The following GALC variants were observed in gnomAD, a reference collection of about 807,000 sequenced individuals.
GALC encodes the protein galactocerebrosidase.
In GALC, 77 loss-of-function variants were observed where a neutral mutation model predicts 91.8. That is an observed-to-expected ratio of 0.84 (90% CI 0.70 to 1.01). The LOEUF is 1.01. GALC is among the 50% of genes least tolerant of loss of function. The pLI is 0.00. For synonymous variants in GALC, 357 were observed against 306.7 expected, an observed-to-expected ratio of 1.16 and a Z score of -1.71; for missense variants, 882 against 855.9, an observed-to-expected ratio of 1.03 and a Z score of -0.38.
chr14:87,943,433 C>G (rs147733925), intron 14 of GALC, among the ~76,000 whole-genome samples: 1 of 151,966 alleles, frequency 6.6e-6, no homozygotes, highest in Non-Finnish European at 1.5e-5. Context: ...GTAGTGTGCA[C>G]TCATTGAGAG....
In GALC at chr14:87,945,564, T is replaced by G. The variant is rs1402558216; in HGVS notation, c.1659A>C (p.Gly553=). The stretch of plus-strand genomic sequence containing the variant: ...AACATCAATCTTACCAGTTGTAGTC[T>G]CCTATAATACTGATTGTGTTGGATG... ...ADASNTISII[G]DYNWTNLTIK... is the part of the protein sequence containing the mutation. Residue 553 remains glycine, a synonymous_variant, in exon 14 of 17, where the codon GGA becomes GGC. Transcript: ENST00000261304. 4 of 1,599,556 alleles carry G rather than the reference T, an allele frequency of 2.5e-6. No homozygotes were observed. The highest frequency in any genetic ancestry group is 1.3e-5 in the African/African-American group (1 of 74,694).
intron 10 of GALC, among the ~76,000 whole-genome samples, chr14:87,962,111 G>A (rs1885829791): frequency 6.6e-6 from 1 of 152,062 alleles, no homozygotes; most frequent in Admixed American, 6.6e-5. Context: ...GTGTATGCAG[G>A]CAGCCAACTT....
intron 10 of GALC, among the ~76,000 whole-genome samples, chr14:87,956,174 A>G (rs1175003477): frequency 1.3e-5 from 2 of 151,658 alleles, no homozygotes; most frequent in African/African-American, 4.8e-5. Flanking sequence ...TCAAGGAACC[A>G]GACAGAGTCC....
intron 7 of GALC, among the ~76,000 whole-genome samples, chr14:87,970,821 A>G (rs995372822): frequency 1.4e-5 from 2 of 143,110 alleles, no homozygotes; most frequent in African/African-American, 2.6e-5. Flanking sequence ...GTGAGCCGAG[A>G]TTGCGCCACT....
In GALC at chr14:87,934,277, T is replaced by C. The variant is rs1884476134; in HGVS notation, c.*455A>G. ...TTCAAAAAGCTACTTCTAGTGTTCT[T>C]CAGCTTTCTATTATGGCAGCATCAT... On this transcript the variant is annotated 3_prime_UTR_variant, in exon 17 of 17. Coordinates refer to ENST00000261304, the MANE Select transcript of GALC (RefSeq NM_000153.4). The C allele has an allele frequency of 7.6e-7, 1 of 1,313,774 alleles. No individual in the cohort carries two copies. The highest frequency in any genetic ancestry group is 9.7e-7 in the Non-Finnish European group (1 of 1,028,146). 81.4% of individuals were successfully genotyped at this position (1,313,774 alleles called of 1,614,324 possible). A position where few individuals can be genotyped will look rare whatever the true frequency, so the allele number is the denominator to read the frequency against.
intron 12 of GALC, among the ~76,000 whole-genome samples, chr14:87,948,499 T>G (rs555207236): frequency 1.8e-4 from 28 of 152,182 alleles, no homozygotes; most frequent in African/African-American, 5.5e-4. Context: ...GCTTTTAAAG[T>G]GCTAAGCTTA....
At chr14:87,954,549 T>C in intron 10 of GALC, 14 of 1,560,182 alleles carry the variant, frequency 9.0e-6, no homozygotes, top group Non-Finnish European at 1.1e-5. Flanking sequence ...GAGTGCTTGT[T>C]TGATGATGAT....
chr14:87,980,486 T>C (rs1162950493), intron 6 of GALC: 2 of 982,756 alleles, frequency 2.0e-6, no homozygotes, highest in African/African-American at 1.7e-5. Context: ...TGACTTGTTT[T>C]TCCCCCATAT....
Position 87,934,214 on chromosome 14 carries a change from A to G in GALC, c.*518T>C, listed in dbSNP as rs1595182998. 7.2e-7 allele frequency: 1 copy of G among 1,392,252 alleles called. No individual in the cohort carries two copies. Among genetic ancestry groups the G allele is most frequent in the Non-Finnish European group, 9.3e-7 (1 of 1,076,072 alleles). The allele number at this position is 1,392,252 out of a possible 1,614,324, so 86.2% of individuals were successfully genotyped here. A position where few individuals can be genotyped will look rare whatever the true frequency, so the allele number is the denominator to read the frequency against. On this transcript the variant is annotated 3_prime_UTR_variant, in exon 17 of 17. Transcript: ENST00000261304. Reference sequence around the variant, plus strand: ...ATCTTAAAAAGGAAAATAAAAAAATACTTTTTAGAGCATAAAGCATAACAG... The same window carrying G: ...ATCTTAAAAAGGAAAATAAAAAAATGCTTTTTAGAGCATAAAGCATAACAG...
At chr14:87,940,958 C>A (rs1884810461) in intron 15 of GALC, among the ~76,000 whole-genome samples, 1 of 151,962 alleles carries the variant, frequency 6.6e-6, no homozygotes, top group Admixed American at 6.6e-5. Flanking sequence ...CAAGTATTAA[C>A]TAAATTCAAA....
intron 9 of GALC, among the ~76,000 whole-genome samples, chr14:87,965,091 C>A (rs1284577246): frequency 1.3e-5 from 2 of 152,080 alleles, no homozygotes; most frequent in Admixed American, 1.3e-4. Flanking sequence ...TTTGATTTTG[C>A]TAGCATACGA....
chr14:87,963,042 G>T (rs1408599754), intron 10 of GALC, among the ~76,000 whole-genome samples: 4 of 152,016 alleles, frequency 2.6e-5, no homozygotes, highest in Non-Finnish European at 4.4e-5. Flanking sequence ...ACAACCTGAG[G>T]ATGAAAAAGG....
intron 14 of GALC, among the ~76,000 whole-genome samples, chr14:87,944,588 G>A (rs385108): frequency 0.96 from 145,540 of 152,044 alleles, 69,954 homozygotes; most frequent in Non-Finnish European, 1. Flanking sequence ...AAATTAGGAA[G>A]GAATTCTTCA....
At chr14:87,988,345 T>G in intron 2 of GALC, 110 bp downstream of exon 2, 2 of 1,247,100 alleles carry the variant, frequency 1.6e-6, no homozygotes, top group Non-Finnish European at 2.4e-6. Context: ...AAAAGTAATG[T>G]GCCATTTTTT....
At chr14:87,978,463 C>T (rs1347157827) in intron 6 of GALC, among the ~76,000 whole-genome samples, 1 of 152,170 alleles carries the variant, frequency 6.6e-6, no homozygotes, top group Non-Finnish European at 1.5e-5. Context: ...AGACTGCTTA[C>T]TTTTTTATAC....
chr14:87,965,754 C>A, intron 8 of GALC, 125 bp from the exon 9 acceptor site: 1 of 940,242 alleles, frequency 1.1e-6, no homozygotes. Context: ...ATAAAAGGAT[C>A]ACCCAAAATA....
At chr14:87,955,068 C>T in intron 10 of GALC, 1 of 1,335,916 alleles carries the variant, frequency 7.5e-7, no homozygotes. Context: ...TGTCGGCAGT[C>T]AGCGCAGAAC....
At chr14:87,947,999 A>G in intron 12 of GALC, 121 bp from the exon 13 acceptor site, 1 of 868,354 alleles carries the variant, frequency 1.2e-6, no homozygotes, top group Non-Finnish European at 1.8e-6. Context: ...AGAACTTCCT[A>G]AACATTTGTG....
chr14:87,954,023 T>G lies in GALC; in HGVS notation c.1162-3275A>C, dbSNP rs1885415717. The G allele has an allele frequency of 7.5e-6, 12 of 1,609,872 alleles. No individual in the cohort carries two copies. The South Asian group carries it at 1.2e-4, about 16-fold the overall frequency. On this transcript the variant is annotated intron_variant, in intron 10 of 16. Coordinates refer to ENST00000261304, the MANE Select transcript of GALC (RefSeq NM_000153.4). ...TAATTTTACTCGCAGATGTTGTTAT[T>G]CATGAGGACCAATGGGTTGGCGAGA...
Sources: gnomAD v4.1 joint callset for allele counts (sites outside exome capture counted in the v4.1 genomes callset) on GRCh38, gnomAD v4.1.1 for gene constraint, MANE v1.5 for transcripts, NCBI Gene and HGNC (gene_info 2026-07-23, HGNC 2026-07-21) for gene names.